PTRH1: variants seen among roughly 807,000 people sequenced by gnomAD.
PTRH1 encodes peptidyl-tRNA hydrolase.
A neutral mutation model predicts 15.7 loss-of-function variants in PTRH1; 13 were observed. The ratio of observed to expected loss-of-function variants is 0.83; its 90% CI spans 0.54 to 1.31. The LOEUF is 1.31. Ranked by LOEUF, PTRH1 falls within the 40% of genes most tolerant of loss-of-function variation. The pLI, the probability that PTRH1 is intolerant of heterozygous loss-of-function variation, is 0.00. For missense variants in PTRH1, 319 were observed against 296.2 expected, an observed-to-expected ratio of 1.08 and a Z score of -0.56; for synonymous variants, 139 against 136.7, an observed-to-expected ratio of 1.02 and a Z score of -0.12.
intron 1 of PTRH1, chr9:127,706,994 C>G (rs1488356166): frequency 6.2e-7 from 1 of 1,607,918 alleles, no homozygotes; most frequent in African/African-American, 1.3e-5. Flanking sequence ...AACCACCTGG[C>G]CTCTTCCTGG....
chr9:127,707,005 G>GGCCTGGA (rs772875055), intron 1 of PTRH1: 2 of 1,611,930 alleles, frequency 1.2e-6, no homozygotes, highest in East Asian at 4.5e-5. Context: ...CTCTTCCTGG[G>GGCCTGGA]GCCTGGAGCC....
chr9:127,707,188 G>T (rs1447502693), intron 1 of PTRH1: 1 of 1,611,100 alleles, frequency 6.2e-7, no homozygotes, highest in Admixed American at 1.7e-5. Flanking sequence ...GGACCGGCTA[G>T]CCCGGTGCGT....
downstream of PTRH1, chr9:127,709,664 A>G: frequency 6.2e-7 from 1 of 1,613,642 alleles, no homozygotes; most frequent in Non-Finnish European, 8.5e-7. This position sits in a 1 kb window ranked among gnomAD's most constrained non-coding sequence, Gnocchi z 4.7. Context: ...GAGACCAAGG[A>G]CCAGCTCACC....
downstream of PTRH1, chr9:127,711,731 T>A (rs1383996850): frequency 2.3e-5 from 33 of 1,436,620 alleles, no homozygotes; most frequent in Non-Finnish European, 3.1e-5. Context: ...CACTGGCCGC[T>A]CTGCATAGGG....
intron 1 of PTRH1, among the ~76,000 whole-genome samples, chr9:127,696,341 A>G (rs544484905): frequency 6.6e-6 from 1 of 152,320 alleles, no homozygotes; most frequent in Admixed American, 6.5e-5. Context: ...CTGTAAATAA[A>G]TAATATATGG....
downstream of PTRH1, chr9:127,709,403 G>A (rs768095573): frequency 1.3e-5 from 21 of 1,609,432 alleles, 1 homozygote; most frequent in East Asian, 1.1e-4. The surrounding 1 kb of genome is among the most constrained non-coding windows in gnomAD (Gnocchi z 4.7). Flanking sequence ...CCTGGACCAC[G>A]GCTCTGCCCC....
rs1431094375 is a variant in PTRH1 at position 127,705,063 on chromosome 9, G to A, written c.206-9922C>T. On this transcript the variant is annotated intron_variant, in intron 1 of 2. Transcript: ENST00000335223. This position sits in a 1 kb window ranked among gnomAD's most constrained non-coding sequence, Gnocchi z 4.7. ...GCACCTGGCCAAGGGCATGTTTAAT[G>A]ATGCCTGGCCTCCCTGCTTCCCCAG... Among the ~76,000 whole-genome samples, 1 of 152,144 alleles carries A rather than the reference G, an allele frequency of 6.6e-6. No individual in the cohort carries two copies. Among genetic ancestry groups the A allele is most frequent in the African/African-American group, 2.4e-5 (1 of 41,424 alleles).
rs991197783 is a variant in PTRH1 at position 127,705,237 on chromosome 9, AC to A, written c.206-10097del. ...CCAGCTCCTGCAGGGTTTGTGTCTC[AC>A]AGCTCCAGCAGCTCTGGGCCCATCA... On this transcript the variant is annotated intron_variant, in intron 1 of 2. Coordinates refer to the PTRH1 transcript ENST00000335223. This position sits in a 1 kb window ranked among gnomAD's most constrained non-coding sequence, Gnocchi z 4.7. 6.6e-6 allele frequency among the ~76,000 whole-genome samples: 1 copy of A among 152,148 alleles called. No homozygotes were observed. Among genetic ancestry groups the A allele is most frequent in the African/African-American group, 2.4e-5 (1 of 41,436 alleles).
chr9:127,715,025 A>G lies in PTRH1; in HGVS notation c.266T>C (p.Leu89Pro). 1 of 1,495,146 alleles carries G rather than the reference A, an allele frequency of 6.7e-7. No homozygotes were observed. The highest frequency in any genetic ancestry group is 8.9e-7 in the Non-Finnish European group (1 of 1,125,546). 92.6% of individuals were successfully genotyped at this position (1,495,146 alleles called of 1,614,324 possible). ...APLGDAQLVLLRPRRLMNANG... is the reference protein window; with the variant it reads ...APLGDAQLVLPRPRRLMNANG... ...GGCGTTCATAAGCCGCCGTGGCCGGAGCAGGACCAGTTGGGCATCCCCCAG... is the reference window on the plus strand; with the variant it reads ...GGCGTTCATAAGCCGCCGTGGCCGGGGCAGGACCAGTTGGGCATCCCCCAG... The change falls in exon 2 of 5, where the codon CTC (leucine) becomes CCC (proline). Residue 89 changes from leucine (L) to proline (P), a missense_variant. Physicochemically the swap from Leu to Pro is moderately conservative, Grantham distance 98 (BLOSUM62 -3). Transcript: ENST00000543175. The surrounding 1 kb of genome is among the most constrained non-coding windows in gnomAD (Gnocchi z 5.8).
chr9:127,706,920 G>A, intron 1 of PTRH1: 2 of 1,312,058 alleles, frequency 1.5e-6, no homozygotes, highest in Non-Finnish European at 2.1e-6. Flanking sequence ...AAGAGGGCAG[G>A]GTCCCTTTAA....
At chr9:127,698,597 A>G (rs1273252674) in intron 1 of PTRH1, among the ~76,000 whole-genome samples, 1 of 152,130 alleles carries the variant, frequency 6.6e-6, no homozygotes, top group African/African-American at 2.4e-5. Flanking sequence ...GGCTTGCTTG[A>G]GCCCAGGAGG....
chr9:127,713,919 G>T lies in PTRH1; in HGVS notation c.*181C>A. On this transcript the variant is annotated 3_prime_UTR_variant, in exon 5 of 5. Transcript: ENST00000543175. Reference sequence around the variant, plus strand: ...CGTCCCAAGTAGGACACAGAGAGAAGAACCTACTCCAGAAATGGACTGGTC... The same window carrying T: ...CGTCCCAAGTAGGACACAGAGAGAATAACCTACTCCAGAAATGGACTGGTC... 6.2e-7 allele frequency: 1 copy of T among 1,611,730 alleles called. No homozygotes were observed. The highest frequency in any genetic ancestry group is 8.5e-7 in the Non-Finnish European group (1 of 1,177,980).
In PTRH1 at chr9:127,705,234, C is replaced by T. The variant is rs1842634522; in HGVS notation, c.206-10093G>A. ...GACCCAGCTCCTGCAGGGTTTGTGTCTCACAGCTCCAGCAGCTCTGGGCCC... is the reference window on the plus strand; with the variant it reads ...GACCCAGCTCCTGCAGGGTTTGTGTTTCACAGCTCCAGCAGCTCTGGGCCC... On this transcript the variant is annotated intron_variant, in intron 1 of 2. Transcript: ENST00000335223. This position sits in a 1 kb window ranked among gnomAD's most constrained non-coding sequence, Gnocchi z 4.7. Among the ~76,000 whole-genome samples the T allele has an allele frequency of 1.3e-5, 2 of 152,208 alleles. No individual in the cohort carries two copies. Among genetic ancestry groups the T allele is most frequent in the South Asian group, 4.1e-4 (2 of 4,836 alleles).
intron 2 of PTRH1, 61 bp from the exon 3 acceptor site, chr9:127,714,763 G>T: frequency 7.2e-7 from 1 of 1,391,178 alleles, no homozygotes; most frequent in Non-Finnish European, 1.0e-6. Context: ...GCACTGTCCC[G>T]ACTCCCATGA....
downstream of PTRH1, chr9:127,711,745 C>G: frequency 6.7e-7 from 1 of 1,495,818 alleles, no homozygotes; most frequent in Non-Finnish European, 9.0e-7. Flanking sequence ...CATAGGGGAA[C>G]ACGGGAGGCC....
intron 1 of PTRH1, among the ~76,000 whole-genome samples, chr9:127,708,012 G>C (rs927105820): frequency 6.6e-6 from 1 of 152,124 alleles, no homozygotes; most frequent in African/African-American, 2.4e-5. Flanking sequence ...TGCACAGATG[G>C]GGAAGACTGA....
chr9:127,694,749 G>A (rs1842541564), intron 2 of PTRH1, among the ~76,000 whole-genome samples: 1 of 151,916 alleles, frequency 6.6e-6, no homozygotes, highest in South Asian at 2.1e-4. Context: ...TCACAGACCT[G>A]GCTTTAGAAT....
At chr9:127,698,509 G>T (rs1488642734) in intron 1 of PTRH1, among the ~76,000 whole-genome samples, 1 of 152,038 alleles carries the variant, frequency 6.6e-6, no homozygotes, top group Non-Finnish European at 1.5e-5. Flanking sequence ...AACACAGTGA[G>T]ACCTCATCTC....
Position 127,715,192 on chromosome 9 carries a change from C to T in PTRH1, c.99G>A (p.Val33=). 6.6e-7 allele frequency: 1 copy of T among 1,526,026 alleles called. No homozygotes were observed. The highest frequency in any genetic ancestry group is 2.5e-5 in the East Asian group (1 of 40,764). 94.5% of individuals were successfully genotyped at this position (1,526,026 alleles called of 1,614,324 possible). A position where few individuals can be genotyped will look rare whatever the true frequency, so the allele number is the denominator to read the frequency against. The stretch of plus-strand genomic sequence containing the variant: ...GCAGTCCGGGATTCCCCAGGCCAGC[C>T]ACCTGCGGGCGGCACCAGGGAAACT... ...EPRPPGKRWM[V]AGLGNPGLPG... The change falls in exon 2 of 5, where the codon GTG becomes GTA. Residue 33 remains valine, a splice_region_variant and synonymous_variant. Transcript: ENST00000543175. This position sits in a 1 kb window ranked among gnomAD's most constrained non-coding sequence, Gnocchi z 5.8.
Sources: allele counts gnomAD v4.1 joint callset (sites outside exome capture counted in the v4.1 genomes callset), GRCh38; gene constraint gnomAD v4.1.1; non-coding constraint Gnocchi (gnomAD v3.1); transcripts MANE v1.5; gene names NCBI Gene and HGNC (gene_info 2026-07-23, HGNC 2026-07-21).